The following GABRB1 variants were observed in gnomAD, a reference collection of about 807,000 sequenced individuals.
GABRB1 encodes the protein gamma-aminobutyric acid type A receptor subunit beta1, also known as gamma-aminobutyric acid receptor subunit beta-1.
GABRB1 carries 17 observed loss-of-function variants against 51.6 expected under a neutral mutation model. The observed-to-expected ratio is 0.33, with a 90% CI of 0.23 to 0.49. GABRB1 has a LOEUF of 0.49. Ranked by LOEUF, GABRB1 falls within the 20% of genes least tolerant of loss-of-function variation. The probability of loss-of-function intolerance (pLI) is 0.99; values close to 1 mark genes in which losing one functional copy is unlikely to be tolerated. For synonymous variants in GABRB1, 247 were observed against 218.9 expected (o/e 1.13, Z -1.14); for missense variants, 410 against 600.6 (o/e 0.68, Z 3.32).
chr4:47,053,095 G>C (rs530454359), intron 3 of GABRB1, among the ~76,000 whole-genome samples: 43 of 152,266 alleles, frequency 2.8e-4, no homozygotes, highest in African/African-American at 9.1e-4. Flanking sequence ...TAGGTAAAGG[G>C]AGAGGTGACA....
At chr4:47,425,526 A>G (rs1729252232) in intron 8 of GABRB1, 148 bp from the exon 9 acceptor site, 1 of 628,120 alleles carries the variant, frequency 1.6e-6, no homozygotes, top group Admixed American at 2.9e-5. Context: ...AGATCGATCG[A>G]TCTATCTCCA....
At chr4:47,296,672 A>T (rs1472204159) in intron 4 of GABRB1, among the ~76,000 whole-genome samples, 2 of 152,168 alleles carry the variant, frequency 1.3e-5, no homozygotes, top group African/African-American at 4.8e-5. Context: ...AGACTTTAAC[A>T]CCCCACTGTC....
At chr4:47,358,783 A>G (rs1255859922) in intron 5 of GABRB1, among the ~76,000 whole-genome samples, 5 of 152,204 alleles carry the variant, frequency 3.3e-5, no homozygotes, top group Non-Finnish European at 7.4e-5. Flanking sequence ...AGTAATTTCA[A>G]TGAACCCGAA....
chr4:47,408,345 A>G (rs190589587), intron 8 of GABRB1, among the ~76,000 whole-genome samples: 1 of 152,352 alleles, frequency 6.6e-6, no homozygotes. Context: ...GAGCATAGTT[A>G]GTGAGGAAGA....
chr4:47,244,179 A>T (rs1245802198), intron 4 of GABRB1, among the ~76,000 whole-genome samples: 1 of 152,146 alleles, frequency 6.6e-6, no homozygotes, highest in African/African-American at 2.4e-5. Flanking sequence ...TATATGATGG[A>T]TTACTTTTAT....
chr4:47,332,498 T>C (rs1275112678), intron 5 of GABRB1, among the ~76,000 whole-genome samples: 1 of 152,178 alleles, frequency 6.6e-6, no homozygotes, highest in Non-Finnish European at 1.5e-5. Context: ...ATAATTTAGT[T>C]CCCATATAGG....
chr4:47,050,294 A>G (rs1260488443), intron 3 of GABRB1, among the ~76,000 whole-genome samples: 2 of 152,138 alleles, frequency 1.3e-5, no homozygotes, highest in East Asian at 3.9e-4. Context: ...GAAAATATAT[A>G]ATTTCAGAGT....
chr4:47,109,217 G>C (rs563125674), intron 3 of GABRB1, among the ~76,000 whole-genome samples: 49 of 152,136 alleles, frequency 3.2e-4, no homozygotes, highest in African/African-American at 1.2e-3. Context: ...GAACCAGATA[G>C]AAGAGTATTT....
chr4:47,032,717 G>A, intron 3 of GABRB1: 1 of 705,094 alleles, frequency 1.4e-6, no homozygotes, highest in Admixed American at 2.0e-5. Context: ...ATTTTGGGAA[G>A]GACGAGTGAC....
intron 5 of GABRB1, among the ~76,000 whole-genome samples, chr4:47,360,935 T>A (rs150108766): frequency 1.1e-3 from 173 of 152,272 alleles, no homozygotes; most frequent in African/African-American, 3.9e-3. Flanking sequence ...CATGTTAATT[T>A]ATTTACCTCT....
rs915151174 is a variant in GABRB1 at position 47,015,443 on chromosome 4, A to G, written c.-19-16471A>G. 2.0e-5 allele frequency among the ~76,000 whole-genome samples: 3 copies of G among 152,328 alleles called. No individual in the cohort carries two copies. In the South Asian group the frequency reaches 6.2e-4, roughly 32 times the overall value. ...TACTGTAATATCCTTAATAGATTAT[A>G]TTAGCCTAAATAACAATGAATTAGT... On this transcript the variant is annotated intron_variant, in intron 1 of 3. Transcript: ENST00000513567.
rs755247546 is a variant in GABRB1, at chr4:47,031,904, T to C, written c.81-10T>C. On this transcript the variant is annotated splice_polypyrimidine_tract_variant and intron_variant, in intron 1 of 8. Transcript: ENST00000295454. Reference sequence around the variant, plus strand: ...TCATTTTGAATACGGTCCCTACTTCTTCCCCTTAGCACCAATGAACCCAGC... The same window carrying C: ...TCATTTTGAATACGGTCCCTACTTCCTCCCCTTAGCACCAATGAACCCAGC... 6.2e-7 allele frequency: 1 copy of C among 1,612,440 alleles called. No individual in the cohort carries two copies.
At chr4:47,134,763 T>C (rs1168636814) in intron 3 of GABRB1, among the ~76,000 whole-genome samples, 3 of 152,142 alleles carry the variant, frequency 2.0e-5, no homozygotes, top group East Asian at 1.9e-4. Flanking sequence ...CAAAGGGACA[T>C]GAGCAAAAAG....
chr4:47,036,202 A>T (rs1343041325), intron 3 of GABRB1, among the ~76,000 whole-genome samples: 1 of 152,226 alleles, frequency 6.6e-6, no homozygotes, highest in Admixed American at 6.5e-5. Flanking sequence ...ATGCTTAATG[A>T]AAGACAAATT....
chr4:47,204,574 C>T (rs1720041422), intron 4 of GABRB1, among the ~76,000 whole-genome samples: 2 of 152,070 alleles, frequency 1.3e-5, no homozygotes, highest in South Asian at 2.1e-4. Context: ...AATTGTAATT[C>T]CCACAATCCC....
At chr4:46,998,356 C>A (rs1250150869) in intron 1 of GABRB1, among the ~76,000 whole-genome samples, 1 of 152,124 alleles carries the variant, frequency 6.6e-6, no homozygotes, top group Non-Finnish European at 1.5e-5. Context: ...TCTCCAAGAT[C>A]TCACATTAAT....
chr4:47,126,509 GA>G (rs537719308), intron 3 of GABRB1, among the ~76,000 whole-genome samples: 2 of 152,194 alleles, frequency 1.3e-5, no homozygotes, highest in South Asian at 4.1e-4. Context: ...TGTATTTTAA[GA>G]CACCATTTTG....
Position 47,244,277 on chromosome 4 carries a change from C to T in GABRB1, c.462-75850C>T, listed in dbSNP as rs556533041. 6.6e-5 allele frequency among the ~76,000 whole-genome samples: 10 copies of T among 152,192 alleles called. No individual in the cohort carries two copies. The East Asian group carries it at 1.7e-3, about 26-fold the overall frequency. On this transcript the variant is annotated intron_variant, in intron 4 of 8. Coordinates refer to ENST00000295454, the MANE Select transcript of GABRB1 (RefSeq NM_000812.4). ...AAGCTTTTTGACGTGCTGCTGTATTCGGTTTGCCAGTATTTTACTGAGGAT... is the reference window on the plus strand; with the variant it reads ...AAGCTTTTTGACGTGCTGCTGTATTTGGTTTGCCAGTATTTTACTGAGGAT...
intron 4 of GABRB1, among the ~76,000 whole-genome samples, chr4:47,207,801 T>TCC (rs11281973): frequency 6.6e-6 from 1 of 151,740 alleles, no homozygotes; most frequent in Non-Finnish European, 1.5e-5. Context: ...GGCTTGGAAC[T>TCC]AATTTCAGTA....
Sources: gnomAD v4.1 joint callset for allele counts (sites outside exome capture counted in the v4.1 genomes callset) on GRCh38, gnomAD v4.1.1 for gene constraint, MANE v1.5 for transcripts, NCBI Gene and HGNC (gene_info 2026-07-23, HGNC 2026-07-21) for gene names.